Variants in HTR2A observed in about 807,000 individuals in gnomAD.
HTR2A encodes the protein 5-hydroxytryptamine receptor 2A.
Under a neutral mutation model 31.0 loss-of-function variants are expected in HTR2A, and 14 were observed. The observed-to-expected ratio is 0.45, with a 90% CI of 0.30 to 0.71. The LOEUF (loss-of-function observed/expected upper bound fraction) is 0.71. HTR2A is among the 30% of genes least tolerant of loss of function. The pLI is 0.09. For missense variants in HTR2A, 442 were observed against 573.3 expected, an observed-to-expected ratio of 0.77 and a Z score of 2.34; for synonymous variants, 209 against 225.2, an observed-to-expected ratio of 0.93 and a Z score of 0.64.
At chr13:46,866,442 G>A (rs1950818943) in intron 3 of HTR2A, among the ~76,000 whole-genome samples, 1 of 152,214 alleles carries the variant, frequency 6.6e-6, no homozygotes, top group Non-Finnish European at 1.5e-5. Flanking sequence ...GAGAGCAGCT[G>A]AGGAATGTAA....
chr13:46,894,816 C>T (rs1398966431), intron 2 of HTR2A, among the ~76,000 whole-genome samples: 3 of 152,228 alleles, frequency 2.0e-5, no homozygotes, highest in African/African-American at 4.8e-5. Flanking sequence ...TTGTTTCCCA[C>T]CCTCCTCCAA....
chr13:46,868,913 TC>T (rs963133507), intron 3 of HTR2A, among the ~76,000 whole-genome samples: 4 of 152,152 alleles, frequency 2.6e-5, no homozygotes, highest in Non-Finnish European at 5.9e-5. Flanking sequence ...CTTTTAAAAT[TC>T]CCAGATATAT....
rs1593423353 is a variant in HTR2A, at chr13:46,834,561, T to C, written c.*276A>G. 2.7e-6 allele frequency: 1 copy of C among 366,928 alleles called. No homozygotes were observed. The highest frequency in any genetic ancestry group is 4.9e-6 in the Non-Finnish European group (1 of 204,198). 22.7% of individuals were successfully genotyped at this position (366,928 alleles called of 1,614,324 possible). ...AGATTTACTTAGGGCTTCATAATTA[T>C]ACAATAAAAGTGAATCATTTTAAAG... On this transcript the variant is annotated 3_prime_UTR_variant, in exon 4 of 4. Coordinates refer to ENST00000542664, the MANE Select transcript of HTR2A (RefSeq NM_000621.5).
chr13:46,860,598 C>T (rs11841433), intron 3 of HTR2A, among the ~76,000 whole-genome samples: 8,168 of 152,190 alleles, frequency 0.054, 240 homozygotes, highest in Middle Eastern at 0.11. Flanking sequence ...TGGAGAGATC[C>T]TGGGTGAGAC....
At chr13:46,894,243 G>A (rs1414503332) in intron 2 of HTR2A, among the ~76,000 whole-genome samples, 1 of 152,116 alleles carries the variant, frequency 6.6e-6, no homozygotes, top group Non-Finnish European at 1.5e-5. Context: ...CGGCCGCCAG[G>A]GGGCGCCCTT....
intron 3 of HTR2A, among the ~76,000 whole-genome samples, chr13:46,870,810 C>T (rs1240392892): frequency 6.6e-6 from 1 of 152,128 alleles, no homozygotes; most frequent in Non-Finnish European, 1.5e-5. Flanking sequence ...TAAAGAAATT[C>T]CACAATGAGT....
chr13:46,874,076 TCTCCTGCTGAGTTTA>T (rs1387058184), intron 3 of HTR2A, among the ~76,000 whole-genome samples: 1 of 152,196 alleles, frequency 6.6e-6, no homozygotes, highest in Non-Finnish European at 1.5e-5. Context: ...AATAAAACTC[TCTCCTGCTGAGTTTA>T]AAGCACCAAG....
At chr13:46,849,073 C>A (rs118050557) in intron 3 of HTR2A, among the ~76,000 whole-genome samples, 1 of 152,240 alleles carries the variant, frequency 6.6e-6, no homozygotes, top group East Asian at 1.9e-4. Context: ...AACCTTACAC[C>A]GTCACACTAG....
chr13:46,840,062 G>A (rs536283932), intron 3 of HTR2A, among the ~76,000 whole-genome samples: 49 of 152,202 alleles, frequency 3.2e-4, no homozygotes, highest in Non-Finnish European at 5.0e-4. Flanking sequence ...AAGTTATTTC[G>A]GGGCTCTTGT....
Position 46,835,442 on chromosome 13 carries a change from C to A in HTR2A, c.811G>T (p.Asp271Tyr), listed in dbSNP as rs757334801. 9.3e-6 allele frequency: 15 copies of A among 1,613,930 alleles called. No individual in the cohort carries two copies. The highest frequency in any genetic ancestry group is 1.3e-5 in the Non-Finnish European group (15 of 1,179,966). ...GCTAATTTGGCCCGTGTGCCAAGAT[C>A]ACTTACACACAAAGTAGCTTCTTTC... ...LQKEATLCVS[D>Y]LGTRAKLASF... The change falls in exon 4 of 4, where the codon GAT (aspartate) becomes TAT (tyrosine). Residue 271 changes from aspartate to tyrosine, a missense_variant. Transcript: ENST00000542664.
intron 3 of HTR2A, among the ~76,000 whole-genome samples, chr13:46,880,572 C>A (rs570823556): frequency 6.6e-6 from 1 of 152,268 alleles, no homozygotes; most frequent in Admixed American, 6.5e-5. Flanking sequence ...GGCATGGTGG[C>A]TCACACCTAT....
At chr13:46,886,050 A>G (rs1262250763) in intron 3 of HTR2A, among the ~76,000 whole-genome samples, 1 of 152,208 alleles carries the variant, frequency 6.6e-6, no homozygotes, top group African/African-American at 2.4e-5. Context: ...TTTTAGCCGT[A>G]TCAAACTTAT....
At chr13:46,856,755 C>G (rs534231291) in intron 3 of HTR2A, among the ~76,000 whole-genome samples, 1 of 152,290 alleles carries the variant, frequency 6.6e-6, no homozygotes, top group South Asian at 2.1e-4. Flanking sequence ...CACAACAAAT[C>G]CATTCATCTG....
intron 3 of HTR2A, among the ~76,000 whole-genome samples, chr13:46,883,394 GA>G (rs1022638801): frequency 3.3e-5 from 5 of 151,946 alleles, no homozygotes; most frequent in African/African-American, 9.7e-5. Context: ...ATCCTTGAGG[GA>G]AAAAAATCTA....
chr13:46,850,720 G>C (rs1331264531), intron 3 of HTR2A, among the ~76,000 whole-genome samples: 1 of 152,120 alleles, frequency 6.6e-6, no homozygotes, highest in African/African-American at 2.4e-5. Context: ...TGTTGCAGGG[G>C]CTATACGTTT....
At chr13:46,848,490 T>G (rs887882041) in intron 3 of HTR2A, among the ~76,000 whole-genome samples, 12 of 152,278 alleles carry the variant, frequency 7.9e-5, no homozygotes, top group Non-Finnish European at 1.2e-4. Context: ...AGGTAAAAAG[T>G]GGGGGAAAAC....
chr13:46,893,191 T>TA (rs1951068822), intron 2 of HTR2A, among the ~76,000 whole-genome samples: 1 of 152,182 alleles, frequency 6.6e-6, no homozygotes, highest in African/African-American at 2.4e-5. Context: ...GGGGTATGTG[T>TA]AGGGAGAGCT....
chr13:46,882,811 CAG>C (rs1429248201), intron 3 of HTR2A, among the ~76,000 whole-genome samples: 1 of 152,216 alleles, frequency 6.6e-6, no homozygotes, highest in Non-Finnish European at 1.5e-5. Context: ...CTCATAAAGA[CAG>C]AAAATAAATT....
intron 3 of HTR2A, among the ~76,000 whole-genome samples, chr13:46,836,926 A>C (rs1488024823): frequency 6.6e-6 from 1 of 152,172 alleles, no homozygotes; most frequent in Non-Finnish European, 1.5e-5. Flanking sequence ...CTATGTTTTT[A>C]GTAGTAGAGC....
Sources: allele counts gnomAD v4.1 joint callset (sites outside exome capture counted in the v4.1 genomes callset), GRCh38; gene constraint gnomAD v4.1.1; transcripts MANE v1.5; gene names NCBI Gene and HGNC (gene_info 2026-07-23, HGNC 2026-07-21).